The following CLN6 variants were observed in gnomAD, a reference collection of about 807,000 sequenced individuals.
CLN6 encodes the protein CLN6 transmembrane ER protein, also known as ceroid-lipofuscinosis neuronal protein 6.
Under a neutral mutation model 33.3 loss-of-function variants are expected in CLN6, and 22 were observed. That is an observed-to-expected ratio of 0.66 (90% CI 0.47 to 0.94). The LOEUF (loss-of-function observed/expected upper bound fraction) is 0.94, where lower values mean the gene tolerates loss of function less well. CLN6 is among the 40% of genes least tolerant of loss of function. CLN6 has a pLI of 0.00. For synonymous variants in CLN6, 201 were observed against 174.6 expected, an observed-to-expected ratio of 1.15 and a Z score of -1.19; for missense variants, 387 against 417.1, an observed-to-expected ratio of 0.93 and a Z score of 0.63.
At chr15:68,226,021 T>G (rs1262184992) in intron 1 of CLN6, among the ~76,000 whole-genome samples, 1 of 151,366 alleles carries the variant, frequency 6.6e-6, no homozygotes, top group Non-Finnish European at 1.5e-5. Context: ...GAGTGTAGTT[T>G]TTAAGAGTGT....
At chr15:68,231,604 T>TTTAATAAC (rs2093268746), upstream of CLN6, among the ~76,000 whole-genome samples, 1 of 152,266 alleles carries the variant, frequency 6.6e-6, no homozygotes, top group Admixed American at 6.5e-5. Flanking sequence ...GTGCCCATGA[T>TTTAATAAC]GTCATCATCG....
At chr15:68,216,310 C>A (rs955070811) in intron 2 of CLN6, among the ~76,000 whole-genome samples, 1 of 152,190 alleles carries the variant, frequency 6.6e-6, no homozygotes, top group African/African-American at 2.4e-5. Flanking sequence ...GCCAGTCCAG[C>A]CAGTCTTCTT....
chr15:68,215,597 A>T (rs1333992436), intron 2 of CLN6: 1 of 152,128 alleles, frequency 6.6e-6, no homozygotes, highest in Non-Finnish European at 1.5e-5. Context: ...TTGACCTCCC[A>T]AAGTGCTGGC....
At position 68,227,794 on chromosome 15, in the gene CLN6, CTGAG is replaced by C. The variant is rs1311800310; in HGVS notation, c.83+1704_83+1707del. Among the ~76,000 whole-genome samples, 3 of 152,194 alleles carry C rather than the reference CTGAG, an allele frequency of 2.0e-5. No individual in the cohort carries two copies. Among genetic ancestry groups the C allele is most frequent in the South Asian group, 4.1e-4 (2 of 4,832 alleles). ...GACATCTGGCAGCTCATTGTCAAGACTGAGTAAGATGCTAGACATGGGAGCCCCA... is the reference window on the plus strand; with the variant it reads ...GACATCTGGCAGCTCATTGTCAAGACTAAGATGCTAGACATGGGAGCCCCA... On this transcript the variant is annotated intron_variant, in intron 1 of 6. Transcript: ENST00000249806. This position sits in a 1 kb window ranked among gnomAD's most constrained non-coding sequence, Gnocchi z 4.1.
Position 68,221,598 on chromosome 15 carries a change from C to T in CLN6, c.84-2948G>A, listed in dbSNP as rs1033289322. 2.0e-5 allele frequency among the ~76,000 whole-genome samples: 3 copies of T among 152,306 alleles called. No homozygotes were observed. In the East Asian group the frequency reaches 5.8e-4, roughly 30 times the overall value. On this transcript the variant is annotated intron_variant, in intron 1 of 6. Coordinates refer to ENST00000249806, the MANE Select transcript of CLN6 (RefSeq NM_017882.3). ...CTCGCTACAACCTCCACCTCCCAGC[C>T]GCCTGCCTTGGCCTCCAAAAGTGCT...
upstream of CLN6, among the ~76,000 whole-genome samples, chr15:68,230,265 G>T (rs2093266136): frequency 6.6e-6 from 1 of 152,128 alleles, no homozygotes; most frequent in Non-Finnish European, 1.5e-5. The surrounding 1 kb of genome is among the most constrained non-coding windows in gnomAD (Gnocchi z 4.0). Context: ...TCAGGCAGTG[G>T]CCGGATTCTG....
At position 68,207,811 on chromosome 15, in the gene CLN6, C is replaced by T. The variant is rs2093191480; in HGVS notation, c.*329G>A. The T allele has an allele frequency of 2.5e-6, 1 of 406,308 alleles. No individual in the cohort carries two copies. The highest frequency in any genetic ancestry group is 3.7e-5 in the Admixed American group (1 of 27,312). The allele number at this position is 406,308 out of a possible 1,614,324, so 25.2% of individuals were successfully genotyped here. On this transcript the variant is annotated 3_prime_UTR_variant, in exon 7 of 7. Coordinates refer to ENST00000249806, the MANE Select transcript of CLN6 (RefSeq NM_017882.3). ...CCAGAAGATGTCCGGGAAGAACAGA[C>T]TAGCCCTGAGTAGGGAGTGTGGTCA...
intron 2 of CLN6, 96 bp downstream of exon 2, chr15:68,218,440 A>G: frequency 1.1e-6 from 1 of 885,144 alleles, no homozygotes; most frequent in Non-Finnish European, 1.9e-6. Flanking sequence ...CTAGGAGATA[A>G]AGGAGAAGTG....
intron 1 of CLN6, among the ~76,000 whole-genome samples, chr15:68,244,509 A>T (rs966004950): frequency 2.0e-5 from 3 of 152,244 alleles, no homozygotes; most frequent in Non-Finnish European, 4.4e-5. Flanking sequence ...CTGACAAACA[A>T]AAGCTAAGAG....
intron 1 of CLN6, among the ~76,000 whole-genome samples, chr15:68,222,205 G>T (rs1051538721): frequency 6.9e-6 from 1 of 144,342 alleles, no homozygotes; most frequent in African/African-American, 2.6e-5. Flanking sequence ...GAGCACCTCT[G>T]CCCAGCCGCC....
intron 1 of CLN6, among the ~76,000 whole-genome samples, chr15:68,240,483 C>T (rs1054392201): frequency 2.6e-5 from 4 of 151,880 alleles, no homozygotes; most frequent in African/African-American, 9.7e-5. Context: ...TGCTTGTAAT[C>T]CCAGCTATTT....
chr15:68,250,595 A>C (rs1892368732), intron 1 of CLN6, among the ~76,000 whole-genome samples: 1 of 149,846 alleles, frequency 6.7e-6, no homozygotes, highest in South Asian at 2.1e-4. Flanking sequence ...ACTGCACTCC[A>C]GCCTGGGCGA....
rs541901701 is a variant in CLN6, at chr15:68,236,097, C to A, written c.180-17447G>T. On this transcript the variant is annotated intron_variant, in intron 1 of 6. Transcript: ENST00000538696. The surrounding 1 kb of genome is among the most constrained non-coding windows in gnomAD (Gnocchi z 4.5). The stretch of plus-strand genomic sequence containing the variant: ...AGGAAAAAGCAAGGGATGAAAAAGA[C>A]AAACAATAACACATGTTGGTGAAGA... Among the ~76,000 whole-genome samples the A allele has an allele frequency of 3.3e-5, 5 of 152,166 alleles. No individual in the cohort carries two copies. Among genetic ancestry groups the A allele is most frequent in the African/African-American group, 1.2e-4 (5 of 41,536 alleles).
Position 68,236,469 on chromosome 15 carries a change from T to C in CLN6, c.180-17819A>G, listed in dbSNP as rs1271595337. Among the ~76,000 whole-genome samples the C allele has an allele frequency of 6.6e-6, 1 of 152,222 alleles. No homozygotes were observed. Among genetic ancestry groups the C allele is most frequent in the Non-Finnish European group, 1.5e-5 (1 of 68,046 alleles). On this transcript the variant is annotated intron_variant, in intron 1 of 6. Transcript: ENST00000538696. This position sits in a 1 kb window ranked among gnomAD's most constrained non-coding sequence, Gnocchi z 4.5. ...GTAACATGGTTCAACCTTGGAAACATTATGCTAAGTGAAAAATGCAAGTCA... is the reference window on the plus strand; with the variant it reads ...GTAACATGGTTCAACCTTGGAAACACTATGCTAAGTGAAAAATGCAAGTCA...
At position 68,254,176 on chromosome 15, in the gene CLN6, G is replaced by A. The variant is rs146940966; in HGVS notation, c.179+2514C>T. On this transcript the variant is annotated intron_variant, in intron 1 of 6. Transcript: ENST00000538696. ...TTACAGGCGTGAGCCACCGCGCCCGGCCAAAACTACATATTTTTTTAAAAA... is the reference window on the plus strand; with the variant it reads ...TTACAGGCGTGAGCCACCGCGCCCGACCAAAACTACATATTTTTTTAAAAA... Among the ~76,000 whole-genome samples, 86 of 152,152 alleles carry A rather than the reference G, an allele frequency of 5.7e-4. 2 individuals carry two copies. In the East Asian group the frequency reaches 0.012, roughly 22 times the overall value.
In CLN6 at chr15:68,208,533, C is replaced by A. The variant is rs1225581287; in HGVS notation, c.666-123G>T. 8 of 1,011,326 alleles carry A rather than the reference C, an allele frequency of 7.9e-6. No homozygotes were observed. In the Admixed American group the frequency reaches 1.6e-4, roughly 21 times the overall value. 62.6% of individuals were successfully genotyped at this position (1,011,326 alleles called of 1,614,324 possible). ...GCAGAAGAGTCCTCTGGTGCCAGGGCTCAGAGAACTATGCCGCTCTAAGCC... is the reference window on the plus strand; with the variant it reads ...GCAGAAGAGTCCTCTGGTGCCAGGGATCAGAGAACTATGCCGCTCTAAGCC... On this transcript the variant is annotated intron_variant, in intron 6 of 6. Transcript: ENST00000249806. This position sits in a 1 kb window ranked among gnomAD's most constrained non-coding sequence, Gnocchi z 5.8.
chr15:68,208,510 A>T lies in CLN6; in HGVS notation c.666-100T>A. ...GAGCCAGGCTGCCCTCCAGGCAGGC[A>T]GAAGAGTCCTCTGGTGCCAGGGCTC... is the stretch of plus-strand genomic sequence containing the variant. On this transcript the variant is annotated intron_variant, in intron 6 of 6. Transcript: ENST00000249806. This position sits in a 1 kb window ranked among gnomAD's most constrained non-coding sequence, Gnocchi z 5.8. 1.5e-6 allele frequency: 2 copies of T among 1,330,690 alleles called. No individual in the cohort carries two copies. The highest frequency in any genetic ancestry group is 2.1e-6 in the Non-Finnish European group (2 of 943,552). The allele number at this position is 1,330,690 out of a possible 1,614,324, so 82.4% of individuals were successfully genotyped here.
chr15:68,233,073 CTG>C (rs1205665744), upstream of CLN6, among the ~76,000 whole-genome samples: 5 of 152,088 alleles, frequency 3.3e-5, no homozygotes, highest in African/African-American at 9.7e-5. This position sits in a 1 kb window ranked among gnomAD's most constrained non-coding sequence, Gnocchi z 4.3. Flanking sequence ...AAAGAAGGTC[CTG>C]TAAGGTCTAG....
chr15:68,224,052 AAACAAC>A (rs146628174), intron 1 of CLN6, among the ~76,000 whole-genome samples: 4,958 of 151,262 alleles, frequency 0.033, 240 homozygotes, highest in African/African-American at 0.11. Flanking sequence ...CTCAAAAAGA[AAACAAC>A]AACAACAACA....
Sources: allele counts gnomAD v4.1 joint callset (sites outside exome capture counted in the v4.1 genomes callset), GRCh38; gene constraint gnomAD v4.1.1; non-coding constraint Gnocchi (gnomAD v3.1); transcripts MANE v1.5; gene names NCBI Gene and HGNC (gene_info 2026-07-23, HGNC 2026-07-21).